Variants in ATXN1 observed in about 807,000 individuals in gnomAD.
The protein encoded by ATXN1 is ataxin 1.
ATXN1 carries 8 observed loss-of-function variants against 56.4 expected under a neutral mutation model. The ratio of observed to expected loss-of-function variants is 0.14; its 90% CI spans 0.08 to 0.26. ATXN1 has a LOEUF of 0.26. ATXN1 is among the 10% of genes least tolerant of loss of function. The pLI is 1.00. For missense variants in ATXN1, 987 were observed against 1,106.5 expected, an observed-to-expected ratio of 0.89 and a Z score of 1.53; for synonymous variants, 514 against 494.6, an observed-to-expected ratio of 1.04 and a Z score of -0.52.
intron 6 of ATXN1, among the ~76,000 whole-genome samples, chr6:16,385,118 C>G: frequency 6.6e-6 from 1 of 152,078 alleles, no homozygotes; most frequent in Non-Finnish European, 1.5e-5. Context: ...ATTGTCTAGA[C>G]AGAGGAGGGA....
At chr6:16,466,576 T>A (rs1760112314) in intron 6 of ATXN1, among the ~76,000 whole-genome samples, 1 of 152,188 alleles carries the variant, frequency 6.6e-6, no homozygotes, top group Admixed American at 6.5e-5. Context: ...AGAAAAATAT[T>A]TTGAAAATCT....
chr6:16,535,413 G>A (rs1761577539), intron 4 of ATXN1, among the ~76,000 whole-genome samples: 1 of 152,248 alleles, frequency 6.6e-6, no homozygotes, highest in South Asian at 2.1e-4. Flanking sequence ...CCACAGTGAT[G>A]GGGGCATATA....
At chr6:16,423,268 A>C (rs1472676688) in intron 6 of ATXN1, among the ~76,000 whole-genome samples, 4 of 152,144 alleles carry the variant, frequency 2.6e-5, no homozygotes, top group Admixed American at 6.5e-5. Context: ...TCTACTACGC[A>C]AGGTCTCATG....
At chr6:16,437,080 A>G (rs1709169) in intron 6 of ATXN1, among the ~76,000 whole-genome samples, 91,265 of 152,020 alleles carry the variant, frequency 0.6, 28,332 homozygotes, top group African/African-American at 0.72. Context: ...CATCCCACTG[A>G]AGGCAGTTAA....
In ATXN1 at chr6:16,327,549, C is replaced by T. The variant is rs770387664; in HGVS notation, c.762G>A (p.Pro254=). The T allele has an allele frequency of 6.3e-5, 102 of 1,607,574 alleles. No individual in the cohort carries two copies. Among genetic ancestry groups the T allele is most frequent in the Admixed American group, 1.9e-4 (11 of 59,022 alleles). ...GAGAGGCGGTGCGGCCGGTGTTCTG[C>T]GGAGAACTGGAAATGTGGACGTACT... ...QNQYVHISSS[P]QNTGRTASPP... Residue 254 remains proline, a synonymous_variant, in exon 7 of 8, where the codon CCG becomes CCA. Coordinates refer to ENST00000436367, the MANE Select transcript of ATXN1 (RefSeq NM_001128164.2).
At chr6:16,477,181 C>G (rs1431064372) in intron 6 of ATXN1, among the ~76,000 whole-genome samples, 1 of 152,222 alleles carries the variant, frequency 6.6e-6, no homozygotes, top group East Asian at 1.9e-4. Context: ...CAGGGCCACA[C>G]AGACGAAGCA....
intron 5 of ATXN1, among the ~76,000 whole-genome samples, chr6:16,504,897 G>C (rs1041679451): frequency 1.3e-5 from 2 of 151,944 alleles, no homozygotes; most frequent in African/African-American, 2.4e-5. Flanking sequence ...GGAAAGAGCT[G>C]CAACACCTGC....
chr6:16,347,071 T>TA (rs1470768946), intron 6 of ATXN1, among the ~76,000 whole-genome samples: 2 of 152,360 alleles, frequency 1.3e-5, no homozygotes, highest in African/African-American at 4.8e-5. Context: ...TTAGCTGCCT[T>TA]CTGGCGGGCA....
intron 6 of ATXN1, among the ~76,000 whole-genome samples, chr6:16,382,906 G>A (rs9477100): frequency 6.6e-6 from 1 of 151,828 alleles, no homozygotes. Context: ...GAATGGGAGG[G>A]GGGGAGTGGG....
intron 5 of ATXN1, among the ~76,000 whole-genome samples, chr6:16,496,427 C>G (rs1408387541): frequency 6.6e-6 from 1 of 152,096 alleles, no homozygotes; most frequent in Non-Finnish European, 1.5e-5. Flanking sequence ...GAATGTGGCG[C>G]TGAAGATTTG....
rs55700377 is a variant in ATXN1, at chr6:16,328,450, C to T, written c.-140G>A. On this transcript the variant is annotated 5_prime_UTR_variant, in exon 7 of 8. Transcript: ENST00000436367. The surrounding 1 kb of genome is among the most constrained non-coding windows in gnomAD (Gnocchi z 6.2). The stretch of plus-strand genomic sequence containing the variant: ...GAATCATCTCCCCGTGGGTACAATC[C>T]GCCAACAGCAGCTCTGGATGCTGGG... 0.042 allele frequency: 54,160 copies of T among 1,303,620 alleles called. 1,237 individuals are homozygous for T. The highest frequency in any genetic ancestry group is 0.057 in the Middle Eastern group (202 of 3,518). 80.8% of individuals were successfully genotyped at this position (1,303,620 alleles called of 1,614,324 possible).
rs780224606 is a variant in ATXN1 at position 16,683,948 on chromosome 6, G to A, written c.-614-26047C>T. On this transcript the variant is annotated intron_variant, in intron 2 of 7. Coordinates refer to ENST00000436367, the MANE Select transcript of ATXN1 (RefSeq NM_001128164.2). ...AGCAGTGGCACAGTTCATGGTTCACGGTTCTTCTCCTGGCCCCTCCCTTGG... is the reference window on the plus strand; with the variant it reads ...AGCAGTGGCACAGTTCATGGTTCACAGTTCTTCTCCTGGCCCCTCCCTTGG... Among the ~76,000 whole-genome samples, 4 of 152,290 alleles carry A rather than the reference G, an allele frequency of 2.6e-5. No individual in the cohort carries two copies. In the East Asian group the frequency reaches 5.8e-4, roughly 22 times the overall value.
intron 5 of ATXN1, among the ~76,000 whole-genome samples, chr6:16,505,050 C>T (rs1390502138): frequency 4.1e-5 from 6 of 146,144 alleles, no homozygotes; most frequent in African/African-American, 1.0e-4. Context: ...GGGATCATGG[C>T]TACTGCCTTC....
chr6:16,597,670 C>A (rs1561772074), intron 3 of ATXN1, among the ~76,000 whole-genome samples: 1 of 152,100 alleles, frequency 6.6e-6, no homozygotes, highest in Admixed American at 6.5e-5. Flanking sequence ...AAACTCCCGA[C>A]CTCAGGTGAT....
chr6:16,525,261 G>A (rs779130886), intron 4 of ATXN1, among the ~76,000 whole-genome samples: 107 of 152,128 alleles, frequency 7.0e-4, no homozygotes, highest in Non-Finnish European at 1.4e-3. Flanking sequence ...CTAAGATTTG[G>A]AAGCAATCTA....
intron 6 of ATXN1, among the ~76,000 whole-genome samples, chr6:16,359,272 G>A (rs1761757782): frequency 1.3e-5 from 2 of 152,146 alleles, no homozygotes; most frequent in South Asian, 2.1e-4. Context: ...CAGTCCTGCC[G>A]ACCAGAGTGG....
rs144942615 is a variant in ATXN1, at chr6:16,314,009, G to A, written c.1918-7150C>T. On this transcript the variant is annotated intron_variant, in intron 7 of 7. Transcript: ENST00000436367. ...GTGTCACCCTGCGAAAAGATGCCAC[G>A]ACCAGATATCAGCTGGGTCCATGAA... Among the ~76,000 whole-genome samples, 64 of 152,282 alleles carry A rather than the reference G, an allele frequency of 4.2e-4. 1 individual carries two copies. The East Asian group carries it at 0.011, about 26-fold the overall frequency.
At chr6:16,526,041 C>CTATATATATATATATATATA (rs71769107) in intron 4 of ATXN1, among the ~76,000 whole-genome samples, 9 of 127,134 alleles carry the variant, frequency 7.1e-5, no homozygotes, top group African/African-American at 1.9e-4. Context: ...AGAAATAAAT[C>CTATATATATATATATATATA]TATATATATA....
At chr6:16,457,514 C>T (rs747313817) in intron 6 of ATXN1, among the ~76,000 whole-genome samples, 18 of 152,012 alleles carry the variant, frequency 1.2e-4, no homozygotes, top group East Asian at 9.7e-4. Flanking sequence ...GAAAAAGAAG[C>T]GGCTTATTTT....
Sources: allele counts gnomAD v4.1 joint callset (sites outside exome capture counted in the v4.1 genomes callset), GRCh38; gene constraint gnomAD v4.1.1; non-coding constraint Gnocchi (gnomAD v3.1); transcripts MANE v1.5; gene names NCBI Gene and HGNC (gene_info 2026-07-23, HGNC 2026-07-21).